Variants in SNRK observed in about 807,000 individuals in gnomAD.
The protein encoded by SNRK is SNF-related serine/threonine-protein kinase.
SNRK carries 3 observed loss-of-function variants against 48.2 expected under a neutral mutation model. The ratio of observed to expected loss-of-function variants is 0.06; its 90% CI spans 0.03 to 0.16. The LOEUF (loss-of-function observed/expected upper bound fraction) is 0.16. Ranked by LOEUF, SNRK falls within the 10% of genes least tolerant of loss-of-function variation. SNRK has a pLI of 1.00. For synonymous variants in SNRK, 376 were observed against 366.1 expected (o/e 1.03, Z -0.31); for missense variants, 627 against 976.0 (o/e 0.64, Z 4.76).
At chr3:43,340,171 C>G (rs2091224564) in intron 4 of SNRK, 116 bp from the exon 5 acceptor site, 5 of 811,990 alleles carry the variant, frequency 6.2e-6, no homozygotes, top group African/African-American at 5.1e-5. Flanking sequence ...ACTGCCACCA[C>G]TAGTGCACCT....
chr3:43,326,833 C>A (rs2091100293), intron 3 of SNRK, among the ~76,000 whole-genome samples: 1 of 152,126 alleles, frequency 6.6e-6, no homozygotes, highest in Non-Finnish European at 1.5e-5. Context: ...GAATTAAGAT[C>A]TGGGAAAGGA....
At chr3:43,296,054 T>C (rs1559458453) in intron 1 of SNRK, among the ~76,000 whole-genome samples, 1 of 152,156 alleles carries the variant, frequency 6.6e-6, no homozygotes, top group East Asian at 1.9e-4. Flanking sequence ...TTATTTACTT[T>C]GAATAAAGAA....
intron 3 of SNRK, among the ~76,000 whole-genome samples, chr3:43,314,273 C>T (rs2090999240): frequency 6.6e-6 from 1 of 152,072 alleles, no homozygotes; most frequent in African/African-American, 2.4e-5. Flanking sequence ...TCTTAAGCAT[C>T]TTTATTTATT....
intron 1 of SNRK, among the ~76,000 whole-genome samples, chr3:43,293,871 A>T (rs1440412172): frequency 2.0e-5 from 3 of 152,004 alleles, no homozygotes; most frequent in African/African-American, 7.2e-5. Context: ...TTGAGCCAAG[A>T]TTGTGCCACT....
intron 3 of SNRK, among the ~76,000 whole-genome samples, chr3:43,316,282 G>A (rs1376299066): frequency 6.6e-6 from 1 of 151,888 alleles, no homozygotes; most frequent in Non-Finnish European, 1.5e-5. Context: ...CTAGTTTAGT[G>A]GTAGGGTAGG....
chr3:43,296,349 A>C (rs2090852534), intron 1 of SNRK, among the ~76,000 whole-genome samples: 1 of 148,646 alleles, frequency 6.7e-6, no homozygotes, highest in Non-Finnish European at 1.5e-5. Context: ...AGAAGCTTAA[A>C]TGCAGTTTTA....
At chr3:43,335,360 T>C (rs1559468989) in intron 4 of SNRK, among the ~76,000 whole-genome samples, 1 of 152,214 alleles carries the variant, frequency 6.6e-6, no homozygotes, top group Non-Finnish European at 1.5e-5. Flanking sequence ...GTGTTTTACA[T>C]TTCCAAATGT....
intron 3 of SNRK, among the ~76,000 whole-genome samples, chr3:43,304,401 G>A (rs1023175058): frequency 1.3e-5 from 2 of 152,120 alleles, no homozygotes; most frequent in African/African-American, 2.4e-5. Flanking sequence ...GACATACAGA[G>A]GCTTTCTGTA....
At chr3:43,337,679 C>T (rs2091201984) in intron 4 of SNRK, among the ~76,000 whole-genome samples, 5 of 152,072 alleles carry the variant, frequency 3.3e-5, no homozygotes, top group Admixed American at 3.3e-4. Flanking sequence ...TTCAGCATGG[C>T]TGGAGAGGCC....
In SNRK at chr3:43,351,041, A is replaced by T. The variant is rs958519807; in HGVS notation, c.*2484A>T. 6.5e-6 allele frequency: 1 copy of T among 152,712 alleles called. No individual in the cohort carries two copies. Among genetic ancestry groups the T allele is most frequent in the East Asian group, 1.9e-4 (1 of 5,178 alleles). The allele number at this position is 152,712 out of a possible 1,614,324, so 9.5% of individuals were successfully genotyped here. A position where few individuals can be genotyped will look rare whatever the true frequency, so the allele number is the denominator to read the frequency against. ...CAACTGATTTGGTCAGTTGCTTCCAATGCTGGTTGATTTCCCTCATTGTGT... is the reference window on the plus strand; with the variant it reads ...CAACTGATTTGGTCAGTTGCTTCCATTGCTGGTTGATTTCCCTCATTGTGT... On this transcript the variant is annotated 3_prime_UTR_variant, in exon 7 of 7. Coordinates refer to ENST00000296088, the MANE Select transcript of SNRK (RefSeq NM_017719.5).
In SNRK at chr3:43,350,628, T is replaced by TCTTA. The variant is rs753935370; in HGVS notation, c.*2074_*2077dup. On this transcript the variant is annotated 3_prime_UTR_variant, in exon 7 of 7. Coordinates refer to ENST00000296088, the MANE Select transcript of SNRK (RefSeq NM_017719.5). ...TATACAAATGTCAGTCTGAGTGGTG[T>TCTTA]CTTACTCCTTTGTTTATAAGTGAAT... 7 of 152,596 alleles carry TCTTA rather than the reference T, an allele frequency of 4.6e-5. No individual in the cohort carries two copies. Among genetic ancestry groups the TCTTA allele is most frequent in the Admixed American group, 4.6e-4 (7 of 15,284 alleles). 9.5% of individuals were successfully genotyped at this position (152,596 alleles called of 1,614,324 possible).
At chr3:43,292,178 C>T (rs919304327) in intron 1 of SNRK, among the ~76,000 whole-genome samples, 1 of 152,220 alleles carries the variant, frequency 6.6e-6, no homozygotes, top group East Asian at 1.9e-4. Flanking sequence ...TATAAACCTG[C>T]TTAGGTTACT....
intron 3 of SNRK, among the ~76,000 whole-genome samples, chr3:43,308,071 C>A (rs1010825337): frequency 2.0e-5 from 3 of 152,184 alleles, no homozygotes; most frequent in Non-Finnish European, 4.4e-5. Flanking sequence ...TCCCTTAAGC[C>A]AAAACCTAAT....
At position 43,347,180 on chromosome 3, in the gene SNRK, C is replaced by T; in HGVS notation, c.1080-159C>T. The T allele has an allele frequency of 4.4e-6, 3 of 681,548 alleles. No individual in the cohort carries two copies. The highest frequency in any genetic ancestry group is 3.6e-5 in the African/African-American group (2 of 56,132). The allele number at this position is 681,548 out of a possible 1,614,324, so 42.2% of individuals were successfully genotyped here. ...AAAACCACATTTGCCCTTCTGGTGG[C>T]CTTGCTGATGTTTACAGGATGTTGA... On this transcript the variant is annotated intron_variant, in intron 6 of 6. Coordinates refer to ENST00000296088, the MANE Select transcript of SNRK (RefSeq NM_017719.5). The surrounding 1 kb of genome is among the most constrained non-coding windows in gnomAD (Gnocchi z 5.4).
intron 1 of SNRK, among the ~76,000 whole-genome samples, chr3:43,293,094 T>G (rs890054064): frequency 6.6e-6 from 1 of 152,180 alleles, no homozygotes; most frequent in Non-Finnish European, 1.5e-5. Context: ...TGCATACCTT[T>G]CTTTTCTTTT....
chr3:43,303,182 T>C lies in SNRK; in HGVS notation c.-22T>C, dbSNP rs767729820. ...AGATCTATTTTAAACAGTCTAAATA[T>C]TTTTTCTTCTGTTGGACCAGCATGG... is the stretch of plus-strand genomic sequence containing the variant. On this transcript the variant is annotated 5_prime_UTR_variant, in exon 3 of 7. Coordinates refer to ENST00000296088, the MANE Select transcript of SNRK (RefSeq NM_017719.5). This position sits in a 1 kb window ranked among gnomAD's most constrained non-coding sequence, Gnocchi z 6.2. 1.9e-6 allele frequency: 3 copies of C among 1,566,566 alleles called. No individual in the cohort carries two copies. The highest frequency in any genetic ancestry group is 2.6e-6 in the Non-Finnish European group (3 of 1,144,858).
At chr3:43,313,489 A>G (rs2090993517) in intron 3 of SNRK, among the ~76,000 whole-genome samples, 1 of 152,240 alleles carries the variant, frequency 6.6e-6, no homozygotes, top group East Asian at 1.9e-4. Flanking sequence ...TTCTCTTGAT[A>G]TAACAAAACT....
intron 3 of SNRK, 41 bp from the exon 4 acceptor site, chr3:43,332,128 C>A: frequency 7.2e-7 from 1 of 1,385,234 alleles, no homozygotes; most frequent in Non-Finnish European, 9.5e-7. Context: ...TTTTGGTTTT[C>A]TAATTAGTCC....
intron 4 of SNRK, among the ~76,000 whole-genome samples, chr3:43,334,572 T>G (rs1237609102): frequency 6.6e-6 from 1 of 152,182 alleles, no homozygotes; most frequent in East Asian, 1.9e-4. Flanking sequence ...ATTTTTCAAA[T>G]GTATTAACCT....
Sources: allele counts gnomAD v4.1 joint callset (sites outside exome capture counted in the v4.1 genomes callset), GRCh38; gene constraint gnomAD v4.1.1; non-coding constraint Gnocchi (gnomAD v3.1); transcripts MANE v1.5; gene names NCBI Gene and HGNC (gene_info 2026-07-23, HGNC 2026-07-21).